DENND1B: variants seen among roughly 807,000 people sequenced by gnomAD.
DENND1B encodes DENN domain-containing protein 1B.
Under a neutral mutation model 90.1 loss-of-function variants are expected in DENND1B, and 59 were observed. The observed-to-expected ratio is 0.65, with a 90% CI of 0.53 to 0.81. The LOEUF is 0.81. Ranked by LOEUF, DENND1B falls within the 40% of genes least tolerant of loss-of-function variation. The pLI, the probability that DENND1B is intolerant of heterozygous loss-of-function variation, is 0.00. For missense variants in DENND1B, 862 were observed against 912.6 expected (o/e 0.94, Z 0.71); for synonymous variants, 337 against 324.6 (o/e 1.04, Z -0.41).
At chr1:197,723,553 T>C (rs777855160) in intron 2 of DENND1B, among the ~76,000 whole-genome samples, 4 of 152,186 alleles carry the variant, frequency 2.6e-5, no homozygotes, top group African/African-American at 4.8e-5. Context: ...TTGACATTTT[T>C]CAGATACTAA....
At chr1:197,673,100 C>T (rs1655688489) in intron 4 of DENND1B, among the ~76,000 whole-genome samples, 2 of 151,834 alleles carry the variant, frequency 1.3e-5, no homozygotes, top group Non-Finnish European at 2.9e-5. Flanking sequence ...AAATGCTGAA[C>T]ATTTAACAAC....
In DENND1B at chr1:197,775,386, CGCCGCCCCCGTCTCCGCCGGTA is replaced by C. The variant is rs1445099175; in HGVS notation, c.-253_-232del. The C allele has an allele frequency of 6.1e-6, 2 of 329,304 alleles. No homozygotes were observed. Among genetic ancestry groups the C allele is most frequent in the African/African-American group, 4.4e-5 (2 of 45,898 alleles). The allele number at this position is 329,304 out of a possible 1,614,324, so 20.4% of individuals were successfully genotyped here. A position where few individuals can be genotyped will look rare whatever the true frequency, so the allele number is the denominator to read the frequency against. ...TCTGTGACAGCAGCGGTGGCGTGGC[CGCCGCCCCCGTCTCCGCCGGTA>C]GCCGCCACCAAAGCTGAGGCCTCTC... is the stretch of plus-strand genomic sequence containing the variant. On this transcript the variant is annotated 5_prime_UTR_variant, in exon 1 of 23. Coordinates refer to ENST00000620048, the MANE Select transcript of DENND1B (RefSeq NM_001195215.2).
intron 3 of DENND1B, among the ~76,000 whole-genome samples, chr1:197,702,944 T>G (rs1324912832): frequency 2.0e-5 from 3 of 152,182 alleles, no homozygotes; most frequent in Non-Finnish European, 4.4e-5. Context: ...GAAAGAATTA[T>G]TTTGCCCTAA....
At chr1:197,684,170 T>C (rs1656990800) in intron 3 of DENND1B, among the ~76,000 whole-genome samples, 2 of 152,206 alleles carry the variant, frequency 1.3e-5, no homozygotes, top group Admixed American at 1.3e-4. Context: ...AAATGCTTAC[T>C]CTGTGCCAAG....
At chr1:197,745,639 TAATA>T (rs1335813972) in intron 2 of DENND1B, among the ~76,000 whole-genome samples, 4 of 132,910 alleles carry the variant, frequency 3.0e-5, no homozygotes, top group Non-Finnish European at 6.5e-5. Flanking sequence ...TATATATATA[TAATA>T]TATATAATAA....
Position 197,595,222 on chromosome 1 carries a change from G to T in DENND1B, c.1033C>A (p.Leu345Met), listed in dbSNP as rs1435952722. Residue 345 changes from leucine (L) to methionine (M), a missense_variant, in exon 14 of 23, where the codon CTG (leucine) becomes ATG (methionine). Physicochemically the swap from Leu to Met is conservative, Grantham distance 15. Coordinates refer to ENST00000620048, the MANE Select transcript of DENND1B (RefSeq NM_001195215.2). ...AAAACGCTTACAGGTTTGTATCTCA[G>T]TGCATCTCTGTAGGATCCAAACAAA... Reference protein sequence around the residue: ...AALFGSYRDALRYKPGEPITF... With the variant: ...AALFGSYRDAMRYKPGEPITF... 1 of 1,612,320 alleles carries T rather than the reference G, an allele frequency of 6.2e-7. No homozygotes were observed. Among genetic ancestry groups the T allele is most frequent in the Non-Finnish European group, 8.5e-7 (1 of 1,179,086 alleles).
intron 5 of DENND1B, among the ~76,000 whole-genome samples, chr1:197,658,678 T>TA (rs555566588): frequency 3.3e-5 from 5 of 150,920 alleles, no homozygotes; most frequent in African/African-American, 1.2e-4. Context: ...TTAACCACTG[T>TA]AAAAAAATCA....
At chr1:197,725,740 A>T (rs1661567743) in intron 2 of DENND1B, among the ~76,000 whole-genome samples, 1 of 151,994 alleles carries the variant, frequency 6.6e-6, no homozygotes, top group African/African-American at 2.4e-5. Flanking sequence ...AACAAGCAGA[A>T]CATAAAGGGC....
intron 2 of DENND1B, among the ~76,000 whole-genome samples, chr1:197,715,556 G>T (rs982212835): frequency 1.3e-5 from 2 of 151,714 alleles, no homozygotes; most frequent in Non-Finnish European, 3.0e-5. Flanking sequence ...TACAAAAACT[G>T]TAATAATATT....
At position 197,756,631 on chromosome 1, in the gene DENND1B, C is replaced by T. The variant is rs115688739; in HGVS notation, c.82+16237G>A. 6.1e-3 allele frequency among the ~76,000 whole-genome samples: 848 copies of T among 138,450 alleles called. 8 individuals are homozygous for T. The highest frequency in any genetic ancestry group is 0.021 in the African/African-American group (792 of 37,476). 90.8% of individuals were successfully genotyped at this position (138,450 alleles called of 152,430 possible). On this transcript the variant is annotated intron_variant, in intron 2 of 22. Coordinates refer to ENST00000620048, the MANE Select transcript of DENND1B (RefSeq NM_001195215.2). ...TGCCCCCATTAAACAATTAGATTTA[C>T]TATTTAGGGAAAACAATGGCATAAA...
chr1:197,671,420 T>C (rs1644870619), intron 5 of DENND1B, among the ~76,000 whole-genome samples: 1 of 152,194 alleles, frequency 6.6e-6, no homozygotes, highest in African/African-American at 2.4e-5. Flanking sequence ...AGATAGGACC[T>C]TTGGAAACTA....
At chr1:197,621,184 G>A (rs555150755) in intron 10 of DENND1B, among the ~76,000 whole-genome samples, 17 of 151,320 alleles carry the variant, frequency 1.1e-4, no homozygotes, top group African/African-American at 3.1e-4. Context: ...TCTAGGACAC[G>A]GCAAAGACTC....
chr1:197,597,380 G>C lies in DENND1B; in HGVS notation c.922-2047C>G, dbSNP rs183907536. Among the ~76,000 whole-genome samples the C allele has an allele frequency of 1.7e-3, 261 of 151,004 alleles. 1 individual carries two copies. The highest frequency in any genetic ancestry group is 6.2e-3 in the African/African-American group (257 of 41,262). Reference sequence around the variant, plus strand: ...GGAATATGATTCCAGTCTTTTTAAAGTATTATTATATATAAATAGTTTTTT... The same window carrying C: ...GGAATATGATTCCAGTCTTTTTAAACTATTATTATATATAAATAGTTTTTT... On this transcript the variant is annotated intron_variant, in intron 13 of 22. Transcript: ENST00000620048.
At chr1:197,552,400 A>G (rs1165811304) in intron 16 of DENND1B, 2 of 985,370 alleles carry the variant, frequency 2.0e-6, no homozygotes, top group African/African-American at 3.5e-5. Context: ...ATACACCACT[A>G]CAATCGTGCA....
chr1:197,674,302 T>C (rs1428983922), intron 3 of DENND1B, 133 bp from the exon 4 acceptor site: 4 of 642,972 alleles, frequency 6.2e-6, no homozygotes, highest in East Asian at 5.6e-5. Flanking sequence ...CACAGGTTCC[T>C]AGACTAAAAT....
chr1:197,751,554 T>G (rs942615568), intron 2 of DENND1B, among the ~76,000 whole-genome samples: 1 of 152,002 alleles, frequency 6.6e-6, no homozygotes, highest in Non-Finnish European at 1.5e-5. Flanking sequence ...AAGAAAATAA[T>G]AAATGTCAGC....
intron 16 of DENND1B, among the ~76,000 whole-genome samples, chr1:197,551,011 T>G (rs895882409): frequency 1.3e-5 from 2 of 151,802 alleles, no homozygotes; most frequent in Non-Finnish European, 2.9e-5. Context: ...ATCGATATAT[T>G]CTTCTTTCTC....
chr1:197,775,058 G>C, intron 1 of DENND1B, 81 bp downstream of exon 1: 1 of 996,414 alleles, frequency 1.0e-6, no homozygotes, highest in Non-Finnish European at 1.3e-6. Flanking sequence ...GTTGAGCGCG[G>C]AGGCGCGGAG....
chr1:197,681,443 C>T (rs75599669), intron 3 of DENND1B, among the ~76,000 whole-genome samples: 2,803 of 152,148 alleles, frequency 0.018, 83 homozygotes, highest in African/African-American at 0.063. Flanking sequence ...TTAAGGGGGA[C>T]ATACTGATCA....
Sources: allele counts gnomAD v4.1 joint callset (sites outside exome capture counted in the v4.1 genomes callset), GRCh38; gene constraint gnomAD v4.1.1; transcripts MANE v1.5; gene names NCBI Gene and HGNC (gene_info 2026-07-23, HGNC 2026-07-21).